The following MAP3K2 variants were observed in gnomAD, a reference collection of about 807,000 sequenced individuals.
MAP3K2 encodes the protein mitogen-activated protein kinase kinase kinase 2.
MAP3K2 carries 24 observed loss-of-function variants against 80.3 expected under a neutral mutation model. The observed-to-expected ratio is 0.30, with a 90% CI of 0.22 to 0.42. MAP3K2 has a LOEUF of 0.42. Among genes scored for constraint, MAP3K2 ranks in the 10% least tolerant of loss-of-function variants. The pLI is 1.00. For synonymous variants in MAP3K2, 244 were observed against 253.7 expected (o/e 0.96, Z 0.36); for missense variants, 608 against 750.1 (o/e 0.81, Z 2.21).
Position 127,319,252 on chromosome 2 carries a change from A to AC in MAP3K2, c.1046-936_1046-935insG, listed in dbSNP as rs1321583561. On this transcript the variant is annotated intron_variant, in intron 12 of 16. Transcript: ENST00000682094. ...ATGCAAAAGAAAAAAAAAAAAAAAA[A>AC]AACCCTACCCCTGAGAGAGAGGCTG... is the stretch of plus-strand genomic sequence containing the variant. 2.2e-3 allele frequency among the ~76,000 whole-genome samples: 335 copies of AC among 150,976 alleles called. 1 individual carries two copies. The highest frequency in any genetic ancestry group is 7.4e-3 in the African/African-American group (302 of 40,816).
At position 127,314,139 on chromosome 2, in the gene MAP3K2, T is replaced by G. The variant is rs115823668; in HGVS notation, c.1456+615A>C. Among the ~76,000 whole-genome samples, 1,167 of 152,340 alleles carry G rather than the reference T, an allele frequency of 7.7e-3. 22 individuals carry two copies. The highest frequency in any genetic ancestry group is 0.026 in the African/African-American group (1,083 of 41,570). ...GTGTGACTTTATGCATTTACCTACA[T>G]CCTTTATCCCTGCAAACAGCTGAGT... On this transcript the variant is annotated intron_variant, in intron 15 of 16. Coordinates refer to ENST00000682094, the MANE Select transcript of MAP3K2 (RefSeq NM_001371910.2).
chr2:127,346,410 TAAAAAAAAAAAA>T (rs70985447), intron 1 of MAP3K2, among the ~76,000 whole-genome samples: 1 of 96,348 alleles, frequency 1.0e-5, no homozygotes, highest in Non-Finnish European at 2.0e-5. Context: ...AAACTGGTTT[TAAAAAAAAAAAA>T]AAAAAAAAAA....
intron 1 of MAP3K2, among the ~76,000 whole-genome samples, chr2:127,347,002 G>T (rs903959416): frequency 3.3e-5 from 5 of 151,092 alleles, no homozygotes; most frequent in African/African-American, 1.2e-4. Context: ...AGGAAAAAAA[G>T]AAAAAAAAGA....
intron 8 of MAP3K2, 25 bp from the exon 9 acceptor site, chr2:127,325,832 T>C (rs1686126332): frequency 8.7e-6 from 13 of 1,498,384 alleles, no homozygotes; most frequent in Non-Finnish European, 1.2e-5. Flanking sequence ...AGTTCCACCA[T>C]GATTCAATTT....
At chr2:127,309,839 GT>G (rs1281839692) in intron 15 of MAP3K2, among the ~76,000 whole-genome samples, 1 of 152,158 alleles carries the variant, frequency 6.6e-6, no homozygotes. Context: ...CAACATCATT[GT>G]TGATGCTGAC....
At position 127,323,980 on chromosome 2, in the gene MAP3K2, T is replaced by C; in HGVS notation, c.760A>G (p.Ile254Val). 1 of 1,531,716 alleles carries C rather than the reference T, an allele frequency of 6.5e-7. No individual in the cohort carries two copies. The allele number at this position is 1,531,716 out of a possible 1,614,324, so 94.9% of individuals were successfully genotyped here. Residue 254 changes from isoleucine to valine, a missense_variant, in exon 11 of 17, where the codon ATC (isoleucine) becomes GTC (valine). Physicochemically the swap from Ile to Val is conservative, Grantham distance 29. Transcript: ENST00000682094. ...HQEFSDYDNP[I>V]FEKFGKGGTY... ...CCTCCTTTTCCAAATTTCTCAAAGA[T>C]AGGGTTATCATAGTCTGTTAAGACA...
chr2:127,340,943 T>C (rs1489454754), intron 2 of MAP3K2, among the ~76,000 whole-genome samples: 1 of 152,126 alleles, frequency 6.6e-6, no homozygotes, highest in Non-Finnish European at 1.5e-5. Context: ...GGGGAGGGCC[T>C]TTGGCTAAAA....
intron 1 of MAP3K2, among the ~76,000 whole-genome samples, chr2:127,363,954 C>G (rs1163993125): frequency 1.3e-5 from 2 of 152,178 alleles, no homozygotes; most frequent in Non-Finnish European, 2.9e-5. Flanking sequence ...CCAAGCCCAG[C>G]CAGGAAACAC....
Position 127,304,658 on chromosome 2 carries a change from A to C in MAP3K2, c.*2921T>G, listed in dbSNP as rs1049785382. 4 of 152,628 alleles carry C rather than the reference A, an allele frequency of 2.6e-5. No homozygotes were observed. The highest frequency in any genetic ancestry group is 6.5e-5 in the Admixed American group (1 of 15,268). 9.5% of individuals were successfully genotyped at this position (152,628 alleles called of 1,614,324 possible). ...CATTTAGAGTTATCTTAAAAAGTTC[A>C]AATTGCATTTGTTGATCCATATCAT... On this transcript the variant is annotated 3_prime_UTR_variant, in exon 17 of 17. Transcript: ENST00000682094.
chr2:127,320,810 G>A (rs1686004906), intron 12 of MAP3K2, among the ~76,000 whole-genome samples: 1 of 152,108 alleles, frequency 6.6e-6, no homozygotes. Context: ...AGAAGACAAT[G>A]GGACAATAGC....
chr2:127,366,066 T>C (rs974137481), intron 1 of MAP3K2, among the ~76,000 whole-genome samples: 1 of 152,218 alleles, frequency 6.6e-6, no homozygotes, highest in African/African-American at 2.4e-5. Context: ...AAACCTTGTT[T>C]TATCAGTTCT....
At chr2:127,378,106 A>G in intron 1 of MAP3K2, 1 of 893,276 alleles carries the variant, frequency 1.1e-6, no homozygotes, top group Non-Finnish European at 1.3e-6. Context: ...GCTTTACCAG[A>G]ATGCAAAGAT....
In MAP3K2 at chr2:127,317,618, TACTA is replaced by T; in HGVS notation, c.1326+7_1326+10del. 1.2e-5 allele frequency: 19 copies of T among 1,533,976 alleles called. No homozygotes were observed. Among genetic ancestry groups the T allele is most frequent in the Non-Finnish European group, 1.6e-5 (18 of 1,142,574 alleles). On this transcript the variant is annotated splice_region_variant and intron_variant, in intron 14 of 16. Transcript: ENST00000682094. ...TAGAATGTGTATTTTCAAAAAGATGTACTAACTTACCCCTGGCATATATTCCATA... is the reference window on the plus strand; with the variant it reads ...TAGAATGTGTATTTTCAAAAAGATGTACTTACCCCTGGCATATATTCCATA...
intron 1 of MAP3K2, among the ~76,000 whole-genome samples, chr2:127,360,470 T>A (rs769773295): frequency 6.6e-6 from 1 of 152,122 alleles, no homozygotes; most frequent in Non-Finnish European, 1.5e-5. Context: ...TCAGAGATGA[T>A]GAATATGTTC....
chr2:127,352,196 T>A (rs913532565), intron 1 of MAP3K2, among the ~76,000 whole-genome samples: 1 of 152,052 alleles, frequency 6.6e-6, no homozygotes, highest in Admixed American at 6.6e-5. Context: ...ACTTTTGGTG[T>A]TATATTCTAC....
Position 127,322,221 on chromosome 2 carries a change from G to A in MAP3K2, c.870C>T (p.Thr290=). The A allele has an allele frequency of 6.2e-7, 1 of 1,613,380 alleles. No individual in the cohort carries two copies. The highest frequency in any genetic ancestry group is 2.2e-5 in the East Asian group (1 of 44,870). ...GRKTFPRARR[T]QGTSLRSPVS... ...CAGGAGACCGTAAGCTGGTCCCCTG[G>A]GTCCTTCTAGCTCTTGGAAAAGTTT... is the stretch of plus-strand genomic sequence containing the variant. The change falls in exon 12 of 17, where the codon ACC becomes ACT. Residue 290 remains threonine (T), a synonymous_variant. Transcript: ENST00000682094. The surrounding 1 kb of genome is among the most constrained non-coding windows in gnomAD (Gnocchi z 4.2).
At position 127,353,690 on chromosome 2, in the gene MAP3K2, T is replaced by G. The variant is rs1406685137; in HGVS notation, c.-65-10496A>C. On this transcript the variant is annotated intron_variant, in intron 1 of 16. Transcript: ENST00000682094. ...AGGGGCGCCTCTGCCCGGCCGCCCCTACTGGGAAGTGAGGAGCCCCTCTGC... is the reference window on the plus strand; with the variant it reads ...AGGGGCGCCTCTGCCCGGCCGCCCCGACTGGGAAGTGAGGAGCCCCTCTGC... Among the ~76,000 whole-genome samples, 4 of 143,076 alleles carry G rather than the reference T, an allele frequency of 2.8e-5. 1 individual carries two copies. Among genetic ancestry groups the G allele is most frequent in the African/African-American group, 1.1e-4 (4 of 38,002 alleles). 93.9% of individuals were successfully genotyped at this position (143,076 alleles called of 152,430 possible).
chr2:127,358,234 T>C (rs1405401835), intron 1 of MAP3K2, among the ~76,000 whole-genome samples: 1 of 152,232 alleles, frequency 6.6e-6, no homozygotes, highest in Non-Finnish European at 1.5e-5. Context: ...TTAGTCATCA[T>C]GGAAATGCAA....
rs367750923 is a variant in MAP3K2, at chr2:127,323,949, T to A, written c.791A>T (p.Tyr264Phe). ...ATATGAAACATGATACCTTCTTGGA[T>A]ATGTTCCTCCTTTTCCAAATTTCTC... ...IFEKFGKGGTYPRRYHVSYHH... is the reference protein window; with the variant it reads ...IFEKFGKGGTFPRRYHVSYHH... The change falls in exon 11 of 17, where the codon TAT (tyrosine) becomes TTT (phenylalanine). Residue 264 changes from tyrosine to phenylalanine, a missense_variant. By Grantham distance (22) the Tyr-to-Phe change is conservative (BLOSUM62 3). Around this residue, in one of 4 missense-constraint regions of MAP3K2, gnomAD observed 467 missense variants for 521.9 expected, o/e 0.89. Transcript: ENST00000682094. 2.3e-5 allele frequency: 36 copies of A among 1,570,656 alleles called. No homozygotes were observed. Among genetic ancestry groups the A allele is most frequent in the Non-Finnish European group, 2.9e-5 (33 of 1,151,020 alleles).
Sources: allele counts gnomAD v4.1 joint callset (sites outside exome capture counted in the v4.1 genomes callset), GRCh38; gene constraint gnomAD v4.1.1; regional missense constraint gnomAD v4.1.1; non-coding constraint Gnocchi (gnomAD v3.1); transcripts MANE v1.5; gene names NCBI Gene and HGNC (gene_info 2026-07-23, HGNC 2026-07-21).